CNTN5: variants seen among roughly 807,000 people sequenced by gnomAD.
CNTN5 encodes the protein contactin-5.
Under a neutral mutation model 129.1 loss-of-function variants are expected in CNTN5, and 77 were observed. That is an observed-to-expected ratio of 0.60 (90% CI 0.50 to 0.72). The LOEUF (loss-of-function observed/expected upper bound fraction) is 0.72. Ranked by LOEUF, CNTN5 falls within the 30% of genes least tolerant of loss-of-function variation. CNTN5 has a pLI of 0.00. For missense variants in CNTN5, 1,478 were observed against 1,328.8 expected, an observed-to-expected ratio of 1.11 and a Z score of -1.75; for synonymous variants, 509 against 465.6, an observed-to-expected ratio of 1.09 and a Z score of -1.20.
intron 1 of CNTN5, among the ~76,000 whole-genome samples, chr11:99,176,785 A>G (rs774867029): frequency 5.3e-5 from 8 of 152,052 alleles, no homozygotes; most frequent in Non-Finnish European, 1.2e-4. Context: ...CTGAGCTTCC[A>G]CCTTTGACCT....
intron 3 of CNTN5, among the ~76,000 whole-genome samples, chr11:99,612,929 T>C (rs1244509061): frequency 6.6e-6 from 1 of 152,156 alleles, no homozygotes; most frequent in Non-Finnish European, 1.5e-5. Flanking sequence ...CTGAGAGCAC[T>C]GGACCCAGAA....
intron 3 of CNTN5, among the ~76,000 whole-genome samples, chr11:99,602,673 A>C (rs1950351383): frequency 6.6e-6 from 1 of 151,560 alleles, no homozygotes; most frequent in African/African-American, 2.4e-5. Flanking sequence ...AAATGTATCA[A>C]AAATCACAGT....
At chr11:100,137,812 A>G (rs1294131836) in intron 13 of CNTN5, among the ~76,000 whole-genome samples, 2 of 152,170 alleles carry the variant, frequency 1.3e-5, no homozygotes, top group East Asian at 3.9e-4. Flanking sequence ...TATGCAAAAG[A>G]TGATGTGGGA....
At chr11:100,302,665 G>A (rs1311048369) in intron 20 of CNTN5, among the ~76,000 whole-genome samples, 1 of 151,476 alleles carries the variant, frequency 6.6e-6, no homozygotes, top group East Asian at 1.9e-4. Context: ...GTTATTGGGA[G>A]GGAAGCAGAG....
Position 99,678,216 on chromosome 11 carries a change from T to C in CNTN5, c.55+121947T>C, listed in dbSNP as rs75405246. Among the ~76,000 whole-genome samples the C allele has an allele frequency of 2.1e-3, 317 of 152,246 alleles. 1 individual carries two copies. Among genetic ancestry groups the C allele is most frequent in the African/African-American group, 7.3e-3 (303 of 41,564 alleles). ...TCAGCGAATTTCTGAATATTGCTTTTCTACAAAAGAACTTAACTACCTGGT... is the reference window on the plus strand; with the variant it reads ...TCAGCGAATTTCTGAATATTGCTTTCCTACAAAAGAACTTAACTACCTGGT... On this transcript the variant is annotated intron_variant, in intron 3 of 24. Coordinates refer to ENST00000524871, the MANE Select transcript of CNTN5 (RefSeq NM_014361.4).
At chr11:99,809,095 C>G (rs1464834999) in intron 3 of CNTN5, among the ~76,000 whole-genome samples, 1 of 152,098 alleles carries the variant, frequency 6.6e-6, no homozygotes, top group Non-Finnish European at 1.5e-5. Context: ...AAGATAGTAC[C>G]CATGTGGAGT....
At chr11:100,250,809 A>T (rs1025257943) in intron 16 of CNTN5, among the ~76,000 whole-genome samples, 1 of 152,190 alleles carries the variant, frequency 6.6e-6, no homozygotes, top group Non-Finnish European at 1.5e-5. Context: ...CTTCTTTAAG[A>T]TGGCTAATTT....
chr11:99,291,191 T>TAATTTTGG (rs1864156684), intron 1 of CNTN5, among the ~76,000 whole-genome samples: 1 of 151,982 alleles, frequency 6.6e-6, no homozygotes, highest in Non-Finnish European at 1.5e-5. Context: ...AGTGAGGCCA[T>TAATTTTGG]ATTTGGATAA....
intron 2 of CNTN5, among the ~76,000 whole-genome samples, chr11:99,350,196 AT>A (rs960622730): frequency 7.9e-5 from 12 of 152,046 alleles, no homozygotes; most frequent in African/African-American, 2.7e-4. Flanking sequence ...CTTCCCTAGT[AT>A]TTTTTTCACC....
At chr11:100,133,828 G>A (rs1006813473) in intron 13 of CNTN5, among the ~76,000 whole-genome samples, 3 of 152,102 alleles carry the variant, frequency 2.0e-5, no homozygotes, top group Admixed American at 1.3e-4. Flanking sequence ...CTGGTAACTG[G>A]AGTTAAAAAT....
rs534576285 is a variant in CNTN5, at chr11:99,929,542, A to T, written c.673+13393A>T. On this transcript the variant is annotated intron_variant, in intron 7 of 24. Transcript: ENST00000524871. ...TGCAGGGCTGGGGAGGCCTCCGGAAACTTACAGTCATGGTGGAAGGGGAAG... is the reference window on the plus strand; with the variant it reads ...TGCAGGGCTGGGGAGGCCTCCGGAATCTTACAGTCATGGTGGAAGGGGAAG... Among the ~76,000 whole-genome samples, 4 of 152,298 alleles carry T rather than the reference A, an allele frequency of 2.6e-5. No homozygotes were observed. The South Asian group carries it at 8.3e-4, about 32-fold the overall frequency.
chr11:99,068,574 G>T (rs945788157), intron 1 of CNTN5, among the ~76,000 whole-genome samples: 9 of 152,266 alleles, frequency 5.9e-5, no homozygotes, highest in Non-Finnish European at 1.0e-4. Context: ...GGTTAGGCTG[G>T]AGAAATACAC....
intron 13 of CNTN5, among the ~76,000 whole-genome samples, chr11:100,113,750 C>T (rs1945745712): frequency 6.6e-6 from 1 of 152,048 alleles, no homozygotes; most frequent in South Asian, 2.1e-4. Context: ...GGAAATCTGA[C>T]ATTATTATAA....
intron 9 of CNTN5, among the ~76,000 whole-genome samples, chr11:100,041,056 C>G (rs1397525034): frequency 6.6e-6 from 1 of 152,228 alleles, no homozygotes; most frequent in African/African-American, 2.4e-5. Flanking sequence ...AATCACCCAT[C>G]TTCTGCGTCA....
At chr11:99,122,078 C>T (rs1858367617) in intron 1 of CNTN5, among the ~76,000 whole-genome samples, 1 of 151,954 alleles carries the variant, frequency 6.6e-6, no homozygotes, top group Admixed American at 6.6e-5. Context: ...TGGTGTGCTG[C>T]ACCCATTAAC....
intron 1 of CNTN5, among the ~76,000 whole-genome samples, chr11:99,218,156 G>A (rs550706022): frequency 3.3e-5 from 5 of 151,918 alleles, no homozygotes; most frequent in South Asian, 2.1e-4. Context: ...ATGTCACCTC[G>A]TGTATGAAGG....
intron 1 of CNTN5, among the ~76,000 whole-genome samples, chr11:99,097,019 A>G (rs1399911614): frequency 6.6e-6 from 1 of 151,912 alleles, no homozygotes; most frequent in African/African-American, 2.4e-5. Context: ...GCTACACTTT[A>G]TTAGCTATCA....
chr11:99,401,569 C>T (rs912904532), intron 2 of CNTN5, among the ~76,000 whole-genome samples: 1 of 152,172 alleles, frequency 6.6e-6, no homozygotes, highest in South Asian at 2.1e-4. Flanking sequence ...TTGTTCTGTA[C>T]TTTTGTGGTT....
chr11:100,029,281 G>A (rs540863197), intron 9 of CNTN5, among the ~76,000 whole-genome samples: 11 of 152,234 alleles, frequency 7.2e-5, no homozygotes, highest in Admixed American at 4.6e-4. Context: ...TAAATAAGAC[G>A]ATTTAAAAAC....
Sources: allele counts gnomAD v4.1 joint callset (sites outside exome capture counted in the v4.1 genomes callset), GRCh38; gene constraint gnomAD v4.1.1; transcripts MANE v1.5; gene names NCBI Gene and HGNC (gene_info 2026-07-23, HGNC 2026-07-21).